ADAM23: variants seen among roughly 807,000 people sequenced by gnomAD.
The protein encoded by ADAM23 is ADAM metallopeptidase domain 23.
Under a neutral mutation model 120.1 loss-of-function variants are expected in ADAM23, and 33 were observed. The observed-to-expected ratio is 0.27, with a 90% CI of 0.21 to 0.37. The LOEUF is 0.37. ADAM23 is among the 10% of genes least tolerant of loss of function. The pLI is 1.00. For missense variants in ADAM23, 862 were observed against 1,058.2 expected (o/e 0.81, Z 2.57); for synonymous variants, 367 against 375.2 (o/e 0.98, Z 0.25).
rs924101742 is a variant in ADAM23, at chr2:206,536,523, A to G, written c.574-5529A>G. ...GGCTCTAAGTCTAAAGATGGAATGG[A>G]TAGCATAAGGGCTATGGTCAGTCAT... On this transcript the variant is annotated intron_variant, in intron 4 of 25. Coordinates refer to ENST00000264377, the MANE Select transcript of ADAM23 (RefSeq NM_003812.4). 2.6e-5 allele frequency among the ~76,000 whole-genome samples: 4 copies of G among 152,126 alleles called. No individual in the cohort carries two copies. In the East Asian group the frequency reaches 5.8e-4, roughly 22 times the overall value.
Position 206,443,819 on chromosome 2 carries a change from C to T in ADAM23, c.-48C>T, listed in dbSNP as rs1420362672. On this transcript the variant is annotated 5_prime_UTR_variant, in exon 1 of 26. Transcript: ENST00000264377. ...CGCCCGCGGCCGCCCCGCAGCTAGC[C>T]CGGCGCTCTCGCCGGCCACACGGAG... 1.2e-5 allele frequency: 12 copies of T among 1,031,994 alleles called. No homozygotes were observed. Among genetic ancestry groups the T allele is most frequent in the Non-Finnish European group, 1.4e-5 (12 of 856,922 alleles). The allele number at this position is 1,031,994 out of a possible 1,614,324, so 63.9% of individuals were successfully genotyped here.
intron 25 of ADAM23, among the ~76,000 whole-genome samples, chr2:206,617,097 A>C (rs1195141516): frequency 6.6e-6 from 1 of 152,126 alleles, no homozygotes; most frequent in Non-Finnish European, 1.5e-5. Context: ...AAGATAACTG[A>C]AAAAAGCGAG....
intron 2 of ADAM23, among the ~76,000 whole-genome samples, chr2:206,456,374 T>C (rs1695301124): frequency 6.8e-6 from 1 of 146,640 alleles, no homozygotes; most frequent in African/African-American, 2.5e-5. Flanking sequence ...AGGACCCTCC[T>C]CTAAAACTGG....
At position 206,456,770 on chromosome 2, in the gene ADAM23, A is replaced by C. The variant is rs78884487; in HGVS notation, c.432+11246A>C. 3.5e-3 allele frequency among the ~76,000 whole-genome samples: 528 copies of C among 152,326 alleles called. 2 individuals carry two copies. Among genetic ancestry groups the C allele is most frequent in the African/African-American group, 0.012 (511 of 41,584 alleles). ...TTCTTTTTGCCCTCAGTGGGGCTAA[A>C]GATTAAATTTAGAAGTAGTCAAATC... On this transcript the variant is annotated intron_variant, in intron 2 of 25. Transcript: ENST00000264377.
At chr2:206,446,514 A>T (rs920362614) in intron 2 of ADAM23, among the ~76,000 whole-genome samples, 20 of 152,184 alleles carry the variant, frequency 1.3e-4, no homozygotes, top group African/African-American at 4.1e-4. Context: ...GTTTTCTAAA[A>T]TATAGGTGAG....
chr2:206,612,040 A>G (rs1385415002), intron 25 of ADAM23, among the ~76,000 whole-genome samples: 2 of 152,208 alleles, frequency 1.3e-5, no homozygotes, highest in Non-Finnish European at 2.9e-5. Flanking sequence ...AAGACACACA[A>G]TAGGGTGAAG....
rs117482881 is a variant in ADAM23, at chr2:206,552,860, G to A, written c.933+2700G>A. On this transcript the variant is annotated intron_variant, in intron 9 of 25. Transcript: ENST00000264377. ...TATTTTTTTTTTTTGTAGAAACTGG[G>A]TTTCGCCATATTGCCTAGGCTGGTG... Among the ~76,000 whole-genome samples the A allele has an allele frequency of 1.6e-3, 240 of 151,214 alleles. 5 individuals carry two copies. The East Asian group carries it at 0.039, about 24-fold the overall frequency.
intron 4 of ADAM23, among the ~76,000 whole-genome samples, chr2:206,539,158 T>C (rs1697240995): frequency 6.6e-6 from 1 of 152,202 alleles, no homozygotes; most frequent in South Asian, 2.1e-4. Flanking sequence ...TGTGGAGTGT[T>C]CAGCTATGTG....
intron 2 of ADAM23, among the ~76,000 whole-genome samples, chr2:206,477,751 C>A (rs763684891): frequency 6.6e-6 from 1 of 151,434 alleles, no homozygotes; most frequent in African/African-American, 2.4e-5. Context: ...TGATGCTGGT[C>A]AGTTCATTAT....
At position 206,496,698 on chromosome 2, in the gene ADAM23, T is replaced by C. The variant is rs559450736; in HGVS notation, c.509+15390T>C. Among the ~76,000 whole-genome samples, 705 of 152,158 alleles carry C rather than the reference T, an allele frequency of 4.6e-3. 6 individuals are homozygous for C. The highest frequency in any genetic ancestry group is 0.016 in the African/African-American group (663 of 41,516). On this transcript the variant is annotated intron_variant, in intron 3 of 25. Transcript: ENST00000264377. ...GAGACACAAAAAACCCTTCAAAAAATCAATGAATCCAGGAGCTGGTTTTTT... is the reference window on the plus strand; with the variant it reads ...GAGACACAAAAAACCCTTCAAAAAACCAATGAATCCAGGAGCTGGTTTTTT...
chr2:206,559,581 G>A (rs1697716736), intron 10 of ADAM23, among the ~76,000 whole-genome samples: 1 of 152,072 alleles, frequency 6.6e-6, no homozygotes. Flanking sequence ...GTTGCACTGC[G>A]GTTACTCAGA....
chr2:206,573,496 C>CAA (rs1698047303), intron 18 of ADAM23, among the ~76,000 whole-genome samples: 1 of 152,134 alleles, frequency 6.6e-6, no homozygotes, highest in South Asian at 2.1e-4. Flanking sequence ...GCAAAGATAT[C>CAA]ACTATCTCAG....
intron 3 of ADAM23, among the ~76,000 whole-genome samples, chr2:206,495,679 T>G (rs1696229681): frequency 6.6e-6 from 1 of 152,194 alleles, no homozygotes; most frequent in Non-Finnish European, 1.5e-5. Flanking sequence ...ATGGGCTAAA[T>G]GCTCCAATTA....
At chr2:206,520,648 C>T (rs185988026) in intron 3 of ADAM23, among the ~76,000 whole-genome samples, 13 of 152,208 alleles carry the variant, frequency 8.5e-5, no homozygotes, top group Admixed American at 7.8e-4. Flanking sequence ...TGGTCTCTTG[C>T]CGTTCTCTCC....
chr2:206,525,978 G>C (rs1259292798), intron 3 of ADAM23, among the ~76,000 whole-genome samples: 1 of 152,076 alleles, frequency 6.6e-6, no homozygotes. Context: ...AGATACTAGG[G>C]AATCTTGGTA....
At chr2:206,504,347 G>A (rs1159228637) in intron 3 of ADAM23, among the ~76,000 whole-genome samples, 4 of 152,076 alleles carry the variant, frequency 2.6e-5, no homozygotes, top group African/African-American at 7.2e-5. Context: ...TGAACCTGTT[G>A]TATCAGCCCA....
At chr2:206,455,900 G>A (rs890341024) in intron 2 of ADAM23, among the ~76,000 whole-genome samples, 11 of 152,022 alleles carry the variant, frequency 7.2e-5, no homozygotes, top group African/African-American at 2.7e-4. Flanking sequence ...AAAATCATTC[G>A]AGAGGTCTGT....
At chr2:206,608,543 T>G (rs1258699594) in intron 24 of ADAM23, among the ~76,000 whole-genome samples, 2 of 152,112 alleles carry the variant, frequency 1.3e-5, no homozygotes, top group Non-Finnish European at 2.9e-5. Flanking sequence ...GGTAGCTGTT[T>G]AAACTATTTT....
intron 17 of ADAM23, among the ~76,000 whole-genome samples, chr2:206,572,897 A>G (rs1032432578): frequency 1.3e-5 from 2 of 152,190 alleles, no homozygotes; most frequent in Non-Finnish European, 2.9e-5. Flanking sequence ...TGAAATCTGA[A>G]CATTTAAAGC....
Sources: allele counts gnomAD v4.1 joint callset (sites outside exome capture counted in the v4.1 genomes callset), GRCh38; gene constraint gnomAD v4.1.1; transcripts MANE v1.5; gene names NCBI Gene and HGNC (gene_info 2026-07-23, HGNC 2026-07-21).